VNN2: variants seen among roughly 807,000 people sequenced by gnomAD.
The protein encoded by VNN2 is pantetheine hydrolase VNN2.
Under a neutral mutation model 43.0 loss-of-function variants are expected in VNN2, and 43 were observed. That is an observed-to-expected ratio of 1.00 (90% confidence interval 0.78 to 1.29). The LOEUF is 1.29. Ranked by LOEUF, VNN2 falls within the 50% of genes most tolerant of loss-of-function variation. The pLI, the probability that VNN2 is intolerant of heterozygous loss-of-function variation, is 0.00. For synonymous variants in VNN2, 230 were observed against 224.3 expected, an observed-to-expected ratio of 1.03 and a Z score of -0.23; for missense variants, 652 against 619.7, an observed-to-expected ratio of 1.05 and a Z score of -0.55.
At chr6:132,752,364 T>C in intron 4 of VNN2, 97 bp downstream of exon 4, 3 of 1,422,840 alleles carry the variant, frequency 2.1e-6, no homozygotes, top group Non-Finnish European at 1.9e-6. Context: ...ACAGTAAGAA[T>C]TTCCAATAAG....
At chr6:132,751,038 C>T in intron 5 of VNN2, 107 bp downstream of exon 5, 2 of 1,380,886 alleles carry the variant, frequency 1.4e-6, no homozygotes, top group South Asian at 2.8e-5. Context: ...GCCATCAATG[C>T]ATGGAGTCAA....
At chr6:132,750,932 T>C (rs1303452932) in intron 5 of VNN2, among the ~76,000 whole-genome samples, 1 of 152,202 alleles carries the variant, frequency 6.6e-6, no homozygotes, top group African/African-American at 2.4e-5. Flanking sequence ...AAGCAAGCAA[T>C]AAGATTATAC....
At chr6:132,757,646 A>G in intron 1 of VNN2, 25 bp downstream of exon 1, 4 of 1,611,872 alleles carry the variant, frequency 2.5e-6, no homozygotes, top group Non-Finnish European at 3.4e-6. Context: ...CGTGTACATT[A>G]TGATTAACAG....
upstream of VNN2, chr6:132,758,036 C>A (rs145214832): frequency 6.7e-4 from 46 of 69,080 alleles, 4 homozygotes; most frequent in Admixed American, 2.3e-3. Flanking sequence ...TCTTCTTCTT[C>A]TTCTTTTTTT....
chr6:132,755,801 TCACAA>T, intron 3 of VNN2, 37 bp downstream of exon 3: 2 of 1,561,910 alleles, frequency 1.3e-6, no homozygotes, highest in Non-Finnish European at 1.7e-6. Flanking sequence ...CATTGACCAC[TCACAA>T]CACGCTCCAT....
At position 132,745,648 on chromosome 6, in the gene VNN2, T is replaced by C. The variant is rs75708811; in HGVS notation, c.1372-1157A>G. On this transcript the variant is annotated intron_variant, in intron 6 of 6. Coordinates refer to ENST00000326499, the MANE Select transcript of VNN2 (RefSeq NM_004665.6). ...ATTGTTTAAAGTTACATCACACCAC[T>C]GGCTAGCGCTGAAGATTAGTGAAGA... Among the ~76,000 whole-genome samples the C allele has an allele frequency of 9.0e-3, 1,377 of 152,330 alleles. 17 individuals carry two copies. The highest frequency in any genetic ancestry group is 0.03 in the African/African-American group (1,255 of 41,572).
chr6:132,761,965 G>A (rs927746310), upstream of VNN2, among the ~76,000 whole-genome samples: 1 of 152,164 alleles, frequency 6.6e-6, no homozygotes, highest in African/African-American at 2.4e-5. Context: ...ATTAACAAAA[G>A]TGAGTGACTA....
rs778626693 is a variant in VNN2 at position 132,752,761 on chromosome 6, G to A, written c.538-12C>T. On this transcript the variant is annotated splice_polypyrimidine_tract_variant and intron_variant, in intron 3 of 6. Coordinates refer to ENST00000326499, the MANE Select transcript of VNN2 (RefSeq NM_004665.6). ...GAGTACAGGTGGTACTACAACAAAT[G>A]GATAGGAGAAAACCAGTAAAACCTT... 23 of 1,601,894 alleles carry A rather than the reference G, an allele frequency of 1.4e-5. No individual in the cohort carries two copies. The highest frequency in any genetic ancestry group is 1.9e-5 in the Non-Finnish European group (22 of 1,174,390).
At chr6:132,746,912 C>T (rs1252125883) in intron 6 of VNN2, among the ~76,000 whole-genome samples, 2 of 152,178 alleles carry the variant, frequency 1.3e-5, no homozygotes, top group African/African-American at 2.4e-5. Flanking sequence ...AGAGAATCTA[C>T]ACTTACAAAA....
chr6:132,751,282 C>T lies in VNN2; in HGVS notation c.1063G>A (p.Ala355Thr), dbSNP rs763068111. 1.2e-6 allele frequency: 2 copies of T among 1,614,160 alleles called. No individual in the cohort carries two copies. The highest frequency in any genetic ancestry group is 1.7e-6 in the Non-Finnish European group (2 of 1,180,020). ...TTTTGACAGACTGTAAGGTTTCCTGCATTTTCAAAAAGTTCTGTGAAGTTG... is the reference window on the plus strand; with the variant it reads ...TTTTGACAGACTGTAAGGTTTCCTGTATTTTCAAAAAGTTCTGTGAAGTTG... ...GFNFTELFEN[A>T]GNLTVCQKEL... The change falls in exon 5 of 7, where the codon GCA becomes ACA. Residue 355 changes from alanine to threonine, a missense_variant. Ala to Thr is a moderately conservative substitution (Grantham distance 58). Transcript: ENST00000326499.
In VNN2 at chr6:132,757,674, C is replaced by G; in HGVS notation, c.210G>C (p.Glu70Asp). The G allele has an allele frequency of 6.2e-7, 1 of 1,613,956 alleles. No homozygotes were observed. The highest frequency in any genetic ancestry group is 8.5e-7 in the Non-Finnish European group (1 of 1,179,814). Residue 70 changes from glutamate (E) to aspartate (D), a missense_variant, in exon 1 of 7, where the codon GAG (glutamate) becomes GAC (aspartate). Physicochemically the swap from Glu to Asp is conservative, Grantham distance 45. Transcript: ENST00000326499. ...ATTAACAGAAATAAGAGAATACCTG[C>G]TCAGCTGCCTGCTTGATCGCTGTCT... ...ILETAIKQAAEQGARIIVTPE... is the reference protein window; with the variant it reads ...ILETAIKQAADQGARIIVTPE...
chr6:132,757,815 C>T lies in VNN2; in HGVS notation c.69G>A (p.Gln23=). 2 of 1,614,046 alleles carry T rather than the reference C, an allele frequency of 1.2e-6. No individual in the cohort carries two copies. The highest frequency in any genetic ancestry group is 8.5e-7 in the Non-Finnish European group (1 of 1,180,018). ...FALITLQVGT[Q]DSFIAAVYEH... is the part of the protein sequence containing the mutation. The stretch of plus-strand genomic sequence containing the variant: ...CATACACTGCAGCTATAAAACTGTC[C>T]TGAGTACCAACCTGCAGGGTTATTA... The change falls in exon 1 of 7, where the codon CAG becomes CAA. Residue 23 remains glutamine (Q), a synonymous_variant. Transcript: ENST00000326499.
chr6:132,749,434 C>T (rs1779919095), intron 6 of VNN2, among the ~76,000 whole-genome samples: 1 of 152,174 alleles, frequency 6.6e-6, no homozygotes, highest in South Asian at 2.1e-4. Context: ...AAGGCAATCA[C>T]AAACTGGTCA....
chr6:132,750,513 A>ATATATATATATATATTTTTTTTTTT (rs201643856), intron 5 of VNN2, among the ~76,000 whole-genome samples: 5 of 78,558 alleles, frequency 6.4e-5, no homozygotes, highest in African/African-American at 1.9e-4. Flanking sequence ...ATATATATAT[A>ATATATATATATATATTTTTTTTTTT]TTTTTCCAGG....
At chr6:132,751,982 AG>A (rs1780136247) in intron 4 of VNN2, among the ~76,000 whole-genome samples, 1 of 152,214 alleles carries the variant, frequency 6.6e-6, no homozygotes, top group Non-Finnish European at 1.5e-5. Flanking sequence ...ACATGGCAGA[AG>A]TGATGGTGGG....
intron 6 of VNN2, among the ~76,000 whole-genome samples, chr6:132,745,059 G>A (rs1486394370): frequency 6.6e-6 from 1 of 152,196 alleles, no homozygotes. Flanking sequence ...GGCTCATTCT[G>A]AGACAGAAGT....
upstream of VNN2, among the ~76,000 whole-genome samples, chr6:132,761,324 A>G (rs1780732584): frequency 1.3e-5 from 2 of 151,708 alleles, no homozygotes; most frequent in African/African-American, 4.9e-5. Context: ...AGTTAAAATC[A>G]ATTAAAAATT....
chr6:132,751,529 A>G lies in VNN2; in HGVS notation c.827-11T>C. On this transcript the variant is annotated splice_polypyrimidine_tract_variant and intron_variant, in intron 4 of 6. Transcript: ENST00000326499. The stretch of plus-strand genomic sequence containing the variant: ...CATAAATACCACTTCCTGTGAATGA[A>G]AGACAAGTCTTCTAAAAACAACACC... 6.3e-7 allele frequency: 1 copy of G among 1,590,002 alleles called. No homozygotes were observed. Among genetic ancestry groups the G allele is most frequent in the African/African-American group, 1.4e-5 (1 of 73,926 alleles).
chr6:132,760,045 C>A (rs1298318739), upstream of VNN2, among the ~76,000 whole-genome samples: 1 of 152,210 alleles, frequency 6.6e-6, no homozygotes, highest in Admixed American at 6.5e-5. Context: ...AGCGACAGAG[C>A]AGGATGTTCG....
Sources: gnomAD v4.1 joint callset for allele counts (sites outside exome capture counted in the v4.1 genomes callset) on GRCh38, gnomAD v4.1.1 for gene constraint, MANE v1.5 for transcripts, NCBI Gene and HGNC (gene_info 2026-07-23, HGNC 2026-07-21) for gene names.